RNF130: variants seen among roughly 807,000 people sequenced by gnomAD.
The protein encoded by RNF130 is ring finger protein 130, also known as E3 ubiquitin-protein ligase RNF130.
Under a neutral mutation model 44.6 loss-of-function variants are expected in RNF130, and 21 were observed. That is an observed-to-expected ratio of 0.47 (90% CI 0.33 to 0.68). The LOEUF (loss-of-function observed/expected upper bound fraction) is 0.68. RNF130 is among the 30% of genes least tolerant of loss of function. RNF130 has a pLI of 0.02. For missense variants in RNF130, 479 were observed against 560.6 expected (o/e 0.85, Z 1.47); for synonymous variants, 214 against 210.4 (o/e 1.02, Z -0.15).
At chr5:180,002,949 G>A (rs1319424607) in intron 3 of RNF130, among the ~76,000 whole-genome samples, 1 of 152,002 alleles carries the variant, frequency 6.6e-6, no homozygotes, top group Non-Finnish European at 1.5e-5. Context: ...TAAGGAATTT[G>A]AGGAGATTTT....
chr5:180,050,318 G>C (rs1764659161), intron 1 of RNF130, among the ~76,000 whole-genome samples: 1 of 152,202 alleles, frequency 6.6e-6, no homozygotes, highest in South Asian at 2.1e-4. Flanking sequence ...AAGAGTCAAA[G>C]GTCTCAGCCA....
At chr5:179,913,568 G>C (rs1006340934) in exon 8 of RNF130, 1 of 152,354 alleles carries the variant, frequency 6.6e-6, no homozygotes, top group Admixed American at 6.5e-5. Flanking sequence ...CAGCCAAGGC[G>C]GGTGGCACCT....
chr5:180,039,558 T>C (rs1023494129), intron 2 of RNF130, among the ~76,000 whole-genome samples: 3 of 152,196 alleles, frequency 2.0e-5, no homozygotes, highest in Non-Finnish European at 4.4e-5. Flanking sequence ...CAGAGGGCAC[T>C]AAAGTTGAAA....
intron 7 of RNF130, among the ~76,000 whole-genome samples, chr5:179,946,553 G>GA (rs1762040673): frequency 6.7e-6 from 1 of 148,390 alleles, no homozygotes; most frequent in Non-Finnish European, 1.5e-5. Flanking sequence ...ACCCACCGGG[G>GA]ATTTTTTTTT....
At chr5:179,985,384 A>AG (rs1762931117) in intron 3 of RNF130, among the ~76,000 whole-genome samples, 1 of 152,114 alleles carries the variant, frequency 6.6e-6, no homozygotes, top group African/African-American at 2.4e-5. Flanking sequence ...CTACAGCATT[A>AG]AATGCTTTAC....
At position 179,970,502 on chromosome 5, in the gene RNF130, C is replaced by A; in HGVS notation, c.853G>T (p.Val285Phe). The A allele has an allele frequency of 6.2e-7, 1 of 1,609,772 alleles. No individual in the cohort carries two copies. Among genetic ancestry groups the A allele is most frequent in the Non-Finnish European group, 8.5e-7 (1 of 1,177,310 alleles). The change falls in exon 6 of 9, where the codon GTT (valine) becomes TTT (phenylalanine). Residue 285 changes from valine (V) to phenylalanine (F), a missense_variant. Val to Phe is a conservative substitution (Grantham distance 50, BLOSUM62 -1). Coordinates refer to ENST00000521389, the MANE Select transcript of RNF130 (RefSeq NM_018434.6). ...DVVRILPCKH[V>F]FHKSCVDPWL... ...GGATCCACGCAGGATTTGTGGAAAA[C>A]ATGCCTATAAAATAATGGAGAATTA...
In RNF130 at chr5:179,955,606, C is replaced by T; in HGVS notation, c.*48G>A. The T allele has an allele frequency of 6.5e-7, 1 of 1,528,804 alleles. No individual in the cohort carries two copies. Among genetic ancestry groups the T allele is most frequent in the East Asian group, 2.3e-5 (1 of 44,260 alleles). The allele number at this position is 1,528,804 out of a possible 1,614,324, so 94.7% of individuals were successfully genotyped here. A position where few individuals can be genotyped will look rare whatever the true frequency, so the allele number is the denominator to read the frequency against. On this transcript the variant is annotated 3_prime_UTR_variant, in exon 9 of 9. Transcript: ENST00000521389. The stretch of plus-strand genomic sequence containing the variant: ...GGTAAATGATGCACAAAAATAGGTT[C>T]TTTTTTCCTTCAAGGCAAAATCAGT...
At chr5:179,966,388 A>G (rs1170786522) in intron 7 of RNF130, among the ~76,000 whole-genome samples, 1 of 152,240 alleles carries the variant, frequency 6.6e-6, no homozygotes, top group Non-Finnish European at 1.5e-5. Context: ...TTCAAGTTCT[A>G]GATGAGTTTC....
chr5:179,937,557 G>C (rs1330932868), intron 7 of RNF130, among the ~76,000 whole-genome samples: 1 of 152,208 alleles, frequency 6.6e-6, no homozygotes, highest in Admixed American at 6.5e-5. Context: ...GGGATAACAA[G>C]TGTTGGCAAG....
At chr5:180,069,950 G>C (rs1305583688) in intron 1 of RNF130, among the ~76,000 whole-genome samples, 1 of 152,210 alleles carries the variant, frequency 6.6e-6, no homozygotes, top group African/African-American at 2.4e-5. Flanking sequence ...CACGAACACC[G>C]TGGAGGAAGG....
chr5:180,002,940 A>G (rs913842059), intron 3 of RNF130, among the ~76,000 whole-genome samples: 20 of 152,180 alleles, frequency 1.3e-4, no homozygotes, highest in African/African-American at 4.3e-4. Flanking sequence ...TATTATTATT[A>G]AGGAATTTGA....
At chr5:180,003,486 G>C (rs1020676157) in intron 3 of RNF130, among the ~76,000 whole-genome samples, 3 of 152,160 alleles carry the variant, frequency 2.0e-5, no homozygotes, top group Non-Finnish European at 4.4e-5. Context: ...TCTGTGTTAG[G>C]TATTAATGTC....
chr5:180,070,890 T>C (rs979071154), intron 1 of RNF130, among the ~76,000 whole-genome samples: 9 of 152,240 alleles, frequency 5.9e-5, no homozygotes, highest in Middle Eastern at 3.4e-3. Context: ...ATCCTCATAA[T>C]GTGACATTTT....
chr5:180,020,915 C>T (rs1181232576), intron 2 of RNF130, among the ~76,000 whole-genome samples: 1 of 152,140 alleles, frequency 6.6e-6, no homozygotes, highest in Non-Finnish European at 1.5e-5. Context: ...ATTACTGATC[C>T]TCTCAACTGA....
intron 3 of RNF130, among the ~76,000 whole-genome samples, chr5:179,998,748 A>G (rs1049376777): frequency 1.3e-5 from 2 of 151,290 alleles, no homozygotes; most frequent in African/African-American, 4.8e-5. Flanking sequence ...TTTAAACCCA[A>G]TGTTTCTTTA....
At chr5:180,040,993 T>C (rs1422921381) in intron 1 of RNF130, among the ~76,000 whole-genome samples, 1 of 152,194 alleles carries the variant, frequency 6.6e-6, no homozygotes, top group East Asian at 1.9e-4. Context: ...GTGACTGATG[T>C]AACCCTGACA....
chr5:179,918,367 G>T (rs538329328), exon 8 of RNF130: 3 of 152,150 alleles, frequency 2.0e-5, no homozygotes, highest in African/African-American at 7.2e-5. Flanking sequence ...GGAATTTAAC[G>T]TATACACATT....
chr5:179,986,539 T>C (rs189321633), intron 3 of RNF130, among the ~76,000 whole-genome samples: 2 of 152,344 alleles, frequency 1.3e-5, no homozygotes, highest in African/African-American at 4.8e-5. Flanking sequence ...GAACTACTCA[T>C]AAGCGTATGT....
At chr5:180,050,267 G>T (rs1205036283) in intron 1 of RNF130, among the ~76,000 whole-genome samples, 1 of 152,208 alleles carries the variant, frequency 6.6e-6, no homozygotes. Flanking sequence ...CAGCAGAGCC[G>T]ATGGAGTTCC....
Sources: allele counts gnomAD v4.1 joint callset (sites outside exome capture counted in the v4.1 genomes callset), GRCh38; gene constraint gnomAD v4.1.1; transcripts MANE v1.5; gene names NCBI Gene and HGNC (gene_info 2026-07-23, HGNC 2026-07-21).